Variants in FGF12 observed in about 807,000 individuals in gnomAD.
FGF12 encodes the protein fibroblast growth factor 12, also known as fibroblast growth factor 12B.
Under a neutral mutation model 23.6 loss-of-function variants are expected in FGF12, and 14 were observed. That is an observed-to-expected ratio of 0.59 (90% CI 0.39 to 0.93). FGF12 has a LOEUF of 0.93. Ranked by LOEUF, FGF12 falls within the 40% of genes least tolerant of loss-of-function variation. The probability of loss-of-function intolerance (pLI) is 0.00; values close to 1 mark genes in which losing one functional copy is unlikely to be tolerated. For missense variants in FGF12, 175 were observed against 217.8 expected (o/e 0.80, Z 1.24); for synonymous variants, 62 against 77.3 (o/e 0.80, Z 1.04).
At chr3:192,399,764 A>G (rs1720678488) in intron 2 of FGF12, among the ~76,000 whole-genome samples, 1 of 152,188 alleles carries the variant, frequency 6.6e-6, no homozygotes, top group Non-Finnish European at 1.5e-5. Context: ...TATAAGCTCT[A>G]AGTGCTAACA....
intron 4 of FGF12, among the ~76,000 whole-genome samples, chr3:192,275,134 T>C (rs944635389): frequency 1.3e-5 from 2 of 152,176 alleles, no homozygotes; most frequent in Non-Finnish European, 2.9e-5. Context: ...ATAAAATTTA[T>C]AGGAAGCCAT....
intron 2 of FGF12, among the ~76,000 whole-genome samples, chr3:192,494,585 A>T (rs1391020052): frequency 6.6e-6 from 1 of 152,130 alleles, no homozygotes; most frequent in Non-Finnish European, 1.5e-5. Context: ...TTCTAGTGTG[A>T]TAATATTCCT....
chr3:192,179,785 A>T (rs187340133), intron 4 of FGF12, among the ~76,000 whole-genome samples: 4 of 152,100 alleles, frequency 2.6e-5, no homozygotes, highest in South Asian at 4.1e-4. Flanking sequence ...ACCTCAAGGG[A>T]TCTGCCTGCT....
chr3:192,143,016 C>A lies in FGF12; in HGVS notation c.*993G>T, dbSNP rs1274886716. On this transcript the variant is annotated 3_prime_UTR_variant, in exon 6 of 6. Transcript: ENST00000445105. ...TAAAACCCCTGTTCTTTCTTTCCTGCCACAAGACAGGGTACAAAGCTTTCT... is the reference window on the plus strand; with the variant it reads ...TAAAACCCCTGTTCTTTCTTTCCTGACACAAGACAGGGTACAAAGCTTTCT... 6.6e-6 allele frequency: 1 copy of A among 151,852 alleles called. No individual in the cohort carries two copies. Among genetic ancestry groups the A allele is most frequent in the Non-Finnish European group, 1.5e-5 (1 of 67,896 alleles). The allele number at this position is 151,852 out of a possible 1,614,324, so 9.4% of individuals were successfully genotyped here.
chr3:192,651,169 G>A (rs1716202237), intron 2 of FGF12, among the ~76,000 whole-genome samples: 1 of 152,214 alleles, frequency 6.6e-6, no homozygotes, highest in South Asian at 2.1e-4. Flanking sequence ...TGGGTTGATA[G>A]AAACCTTAGT....
chr3:192,666,909 TAGATAGATGATAGATA>T (rs1560187692), intron 2 of FGF12, among the ~76,000 whole-genome samples: 5 of 140,342 alleles, frequency 3.6e-5, no homozygotes, highest in African/African-American at 1.4e-4. Context: ...GATAGTTGGA[TAGATAGATGATAGATA>T]GATAGATAGA....
At chr3:192,463,726 A>C (rs1722928196) in intron 2 of FGF12, among the ~76,000 whole-genome samples, 1 of 152,188 alleles carries the variant, frequency 6.6e-6, no homozygotes, top group African/African-American at 2.4e-5. Flanking sequence ...GAATCATGTG[A>C]AAGGATGATG....
At chr3:192,272,639 G>A (rs1713520609) in intron 4 of FGF12, among the ~76,000 whole-genome samples, 1 of 152,140 alleles carries the variant, frequency 6.6e-6, no homozygotes. Flanking sequence ...ACTGCAAAGG[G>A]ATGAGGCAGG....
chr3:192,583,326 T>C (rs866644062), intron 2 of FGF12, among the ~76,000 whole-genome samples: 8 of 152,238 alleles, frequency 5.3e-5, no homozygotes, highest in Non-Finnish European at 1.0e-4. Flanking sequence ...TTAATGATAT[T>C]ATTGCACAAA....
intron 2 of FGF12, among the ~76,000 whole-genome samples, chr3:192,654,749 C>T (rs1426482043): frequency 6.6e-6 from 1 of 152,196 alleles, no homozygotes; most frequent in Non-Finnish European, 1.5e-5. Context: ...TTTGACAGAC[C>T]TGTGTACCAC....
chr3:192,542,028 A>ATTTTTTTTTTT, intron 2 of FGF12, among the ~76,000 whole-genome samples: 1 of 137,688 alleles, frequency 7.3e-6, no homozygotes, highest in Non-Finnish European at 1.6e-5. Context: ...CATGCCTGGC[A>ATTTTTTTTTTT]TTTTTTTTTT....
intron 4 of FGF12, among the ~76,000 whole-genome samples, chr3:192,182,512 G>A (rs1048058544): frequency 6.6e-5 from 10 of 152,140 alleles, no homozygotes; most frequent in Non-Finnish European, 1.3e-4. Context: ...AAAAATTACT[G>A]AAGGAAGAAA....
intron 2 of FGF12, among the ~76,000 whole-genome samples, chr3:192,648,482 A>ATT (rs10575098): frequency 1.2e-4 from 18 of 148,772 alleles, no homozygotes; most frequent in Admixed American, 4.0e-4. Context: ...GACTATTTAG[A>ATT]TTTTTTTTTT....
intron 2 of FGF12, among the ~76,000 whole-genome samples, chr3:192,457,416 T>C (rs1380971079): frequency 6.6e-6 from 1 of 152,182 alleles, no homozygotes; most frequent in Non-Finnish European, 1.5e-5. Flanking sequence ...ACAATGCTGA[T>C]AGTGATATGA....
chr3:192,627,686 C>T (rs1033823613), intron 2 of FGF12, among the ~76,000 whole-genome samples: 1 of 152,132 alleles, frequency 6.6e-6, no homozygotes, highest in East Asian at 1.9e-4. Context: ...AAGATAATTG[C>T]AGATTCACAT....
At chr3:192,235,906 G>A (rs1177939281) in intron 4 of FGF12, among the ~76,000 whole-genome samples, 1 of 151,892 alleles carries the variant, frequency 6.6e-6, no homozygotes, top group East Asian at 1.9e-4. Context: ...CTAGCTTTGG[G>A]GTTGGGTTAC....
intron 5 of FGF12, among the ~76,000 whole-genome samples, chr3:192,156,434 A>G (rs1421545238): frequency 4.6e-5 from 7 of 152,224 alleles, no homozygotes; most frequent in Non-Finnish European, 8.8e-5. Context: ...AGTACTTAGT[A>G]TAAAACTGAT....
At chr3:192,245,540 C>T (rs900481500) in intron 4 of FGF12, among the ~76,000 whole-genome samples, 10 of 152,180 alleles carry the variant, frequency 6.6e-5, no homozygotes, top group African/African-American at 1.9e-4. Context: ...TATGCATTTG[C>T]ATAAGCACAA....
chr3:192,239,001 G>A (rs1577266933), intron 4 of FGF12, among the ~76,000 whole-genome samples: 1 of 152,304 alleles, frequency 6.6e-6, no homozygotes, highest in South Asian at 2.1e-4. Context: ...TAAAAGCAGA[G>A]ATTTTAGTGT....
Sources: gnomAD v4.1 joint callset for allele counts (sites outside exome capture counted in the v4.1 genomes callset) on GRCh38, gnomAD v4.1.1 for gene constraint, MANE v1.5 for transcripts, NCBI Gene and HGNC (gene_info 2026-07-23, HGNC 2026-07-21) for gene names.